PRKN: variants seen among roughly 807,000 people sequenced by gnomAD.
PRKN encodes parkin RBR E3 ubiquitin protein ligase.
In PRKN, 56 loss-of-function variants were observed where a neutral mutation model predicts 59.5. The observed-to-expected ratio is 0.94, with a 90% CI of 0.76 to 1.18. PRKN has a LOEUF of 1.18. Among genes scored for constraint, PRKN ranks in the 50% most tolerant of loss-of-function variants. The pLI is 0.00. For synonymous variants in PRKN, 250 were observed against 222.1 expected (o/e 1.13, Z -1.12); for missense variants, 657 against 596.4 (o/e 1.10, Z -1.06).
chr6:161,815,337 T>C (rs1791730300), intron 6 of PRKN, among the ~76,000 whole-genome samples: 1 of 152,232 alleles, frequency 6.6e-6, no homozygotes, highest in Non-Finnish European at 1.5e-5. Context: ...CATTCAGGTA[T>C]ACAAAGTTCA....
intron 7 of PRKN, among the ~76,000 whole-genome samples, chr6:161,757,973 A>G (rs1414748425): frequency 6.8e-6 from 1 of 146,450 alleles, no homozygotes; most frequent in African/African-American, 2.5e-5. Flanking sequence ...ATATATATAT[A>G]TATATTTAAC....
intron 2 of PRKN, among the ~76,000 whole-genome samples, chr6:162,332,942 G>A (rs1419388625): frequency 6.6e-6 from 1 of 151,982 alleles, no homozygotes; most frequent in Non-Finnish European, 1.5e-5. Flanking sequence ...TCTAAAATTT[G>A]CTCTCCAAAT....
At chr6:161,910,047 T>C (rs1007701645) in intron 6 of PRKN, among the ~76,000 whole-genome samples, 2 of 152,124 alleles carry the variant, frequency 1.3e-5, no homozygotes, top group African/African-American at 4.8e-5. Flanking sequence ...TGGGTGATTT[T>C]GAGGGGTTCA....
intron 7 of PRKN, among the ~76,000 whole-genome samples, chr6:161,680,763 A>AT (rs1785313984): frequency 2.0e-4 from 2 of 10,162 alleles, no homozygotes; most frequent in Admixed American, 1.5e-3. Flanking sequence ...ATATATATAT[A>AT]TATATATATA....
intron 4 of PRKN, among the ~76,000 whole-genome samples, chr6:162,074,623 GTATA>G (rs200087773): frequency 6.5e-5 from 9 of 138,348 alleles, no homozygotes; most frequent in South Asian, 2.2e-4. Flanking sequence ...AAAACTTAAA[GTATA>G]TATATAAAAA....
chr6:162,057,732 C>T (rs758258536), intron 4 of PRKN, among the ~76,000 whole-genome samples: 5 of 152,096 alleles, frequency 3.3e-5, no homozygotes, highest in African/African-American at 7.2e-5. Flanking sequence ...CTGTGTACGA[C>T]GATTAGGCAA....
chr6:162,514,457 C>A (rs1368226603), intron 1 of PRKN, among the ~76,000 whole-genome samples: 3 of 152,188 alleles, frequency 2.0e-5, no homozygotes, highest in Non-Finnish European at 4.4e-5. Flanking sequence ...ACCCTCAACA[C>A]AACTGGCTAG....
At position 161,473,116 on chromosome 6, in the gene PRKN, T is replaced by C. The variant is rs1790875752; in HGVS notation, c.1083+75738A>G. Among the ~76,000 whole-genome samples, 1 of 152,080 alleles carries C rather than the reference T, an allele frequency of 6.6e-6. No individual in the cohort carries two copies. The highest frequency in any genetic ancestry group is 1.5e-5 in the Non-Finnish European group (1 of 68,008). ...CTTAAAAAATAAAAAAATAGAACTA[T>C]AGCACCATATGATCCAGCAATCTCT... On this transcript the variant is annotated intron_variant, in intron 9 of 11. Transcript: ENST00000366898. The surrounding 1 kb of genome is among the most constrained non-coding windows in gnomAD (Gnocchi z 4.1).
At chr6:162,403,467 A>G (rs145197559) in intron 2 of PRKN, among the ~76,000 whole-genome samples, 59 of 152,246 alleles carry the variant, frequency 3.9e-4, no homozygotes, top group African/African-American at 1.4e-3. Flanking sequence ...TACAGCATAT[A>G]TCACCATCTG....
intron 2 of PRKN, among the ~76,000 whole-genome samples, chr6:162,353,498 C>T (rs771845808): frequency 5.9e-5 from 9 of 151,610 alleles, no homozygotes; most frequent in Admixed American, 2.0e-4. Flanking sequence ...ACTAAGTATA[C>T]GTATATGAAT....
At chr6:162,533,710 C>A (rs561713061) in intron 1 of PRKN, among the ~76,000 whole-genome samples, 3 of 152,124 alleles carry the variant, frequency 2.0e-5, no homozygotes, top group Non-Finnish European at 4.4e-5. Flanking sequence ...CGAGCACACA[C>A]CTGTAATCCC....
chr6:161,755,962 G>A (rs1302276542), intron 7 of PRKN, among the ~76,000 whole-genome samples: 1 of 152,054 alleles, frequency 6.6e-6, no homozygotes, highest in East Asian at 1.9e-4. Context: ...TAAAATGTGA[G>A]CCTTGAAAAA....
At chr6:162,555,450 GA>G (rs1779521730) in intron 1 of PRKN, among the ~76,000 whole-genome samples, 1 of 151,996 alleles carries the variant, frequency 6.6e-6, no homozygotes, top group African/African-American at 2.4e-5. Context: ...ATTGGGTAAA[GA>G]AAAACTTAAA....
At chr6:162,029,061 T>A (rs1783542696) in intron 5 of PRKN, among the ~76,000 whole-genome samples, 2 of 152,148 alleles carry the variant, frequency 1.3e-5, no homozygotes, top group African/African-American at 4.8e-5. Context: ...GTGACTGTAT[T>A]TGTGCCCAAA....
intron 2 of PRKN, among the ~76,000 whole-genome samples, chr6:162,278,681 TATC>T (rs978748715): frequency 1.3e-5 from 2 of 152,122 alleles, no homozygotes; most frequent in Non-Finnish European, 2.9e-5. Context: ...ACAAAAGAAA[TATC>T]ATTGTATCGA....
chr6:161,884,545 T>C (rs1010757639), intron 6 of PRKN, among the ~76,000 whole-genome samples: 10 of 152,222 alleles, frequency 6.6e-5, no homozygotes, highest in African/African-American at 2.4e-4. Flanking sequence ...TATGCAACTT[T>C]TGATGTAGGG....
intron 4 of PRKN, among the ~76,000 whole-genome samples, chr6:162,065,079 G>C (rs145431644): frequency 1.3e-5 from 2 of 152,234 alleles, no homozygotes; most frequent in South Asian, 4.1e-4. Flanking sequence ...ATGTGTATAT[G>C]AAAGGGAGTT....
At chr6:162,594,044 G>A (rs1446344079) in intron 1 of PRKN, among the ~76,000 whole-genome samples, 1 of 152,082 alleles carries the variant, frequency 6.6e-6, no homozygotes, top group Non-Finnish European at 1.5e-5. Flanking sequence ...CAGCTACTAA[G>A]GAGGCTGAGG....
At chr6:162,407,942 TAA>T (rs201914218) in intron 2 of PRKN, among the ~76,000 whole-genome samples, 1 of 145,830 alleles carries the variant, frequency 6.9e-6, no homozygotes, top group Non-Finnish European at 1.5e-5. Context: ...GTTCCTAATT[TAA>T]AAAAAAAAAG....
Sources: gnomAD v4.1 joint callset for allele counts (sites outside exome capture counted in the v4.1 genomes callset) on GRCh38, gnomAD v4.1.1 for gene constraint, Gnocchi (gnomAD v3.1) non-coding constraint, MANE v1.5 for transcripts, NCBI Gene and HGNC (gene_info 2026-07-23, HGNC 2026-07-21) for gene names.